Variants in KAT6B observed in about 807,000 individuals in gnomAD.
KAT6B encodes the protein lysine acetyltransferase 6B, also known as histone acetyltransferase KAT6B.
KAT6B carries 10 observed loss-of-function variants against 187.5 expected under a neutral mutation model. That is an observed-to-expected ratio of 0.05 (90% CI 0.03 to 0.09). The LOEUF (loss-of-function observed/expected upper bound fraction) is 0.09, where lower values mean the gene tolerates loss of function less well. Among genes scored for constraint, KAT6B ranks in the 10% least tolerant of loss-of-function variants. The probability of loss-of-function intolerance (pLI) is 1.00; values close to 1 mark genes in which losing one functional copy is unlikely to be tolerated. For missense variants in KAT6B, 1,952 were observed against 2,558.9 expected, an observed-to-expected ratio of 0.76 and a Z score of 5.12; for synonymous variants, 861 against 926.8, an observed-to-expected ratio of 0.93 and a Z score of 1.29.
rs1222902525 is a variant in KAT6B at position 74,975,724 on chromosome 10, C to T, written c.1387C>T (p.Arg463Cys). Reference protein sequence around the residue: ...GEIIDFSKHYRPRKKVSQKQS... With the variant: ...GEIIDFSKHYCPRKKVSQKQS... Reference sequence around the variant, plus strand: ...AATTATAGACTTTTCAAAGCACTATCGTCCAAGGAAAAAGGTCTCTCAGAA... The same window carrying T: ...AATTATAGACTTTTCAAAGCACTATTGTCCAAGGAAAAAGGTCTCTCAGAA... Residue 463 changes from arginine to cysteine, a missense_variant, in exon 8 of 18, where the codon CGT (arginine) becomes TGT (cysteine). This residue lies in a region of KAT6B where 417 missense variants were observed against 508.9 expected (regional missense o/e 0.82). Transcript: ENST00000287239. 41 of 1,614,072 alleles carry T rather than the reference C, an allele frequency of 2.5e-5. No homozygotes were observed. Among genetic ancestry groups the T allele is most frequent in the East Asian group, 4.5e-5 (2 of 44,902 alleles).
intron 1 of KAT6B, among the ~76,000 whole-genome samples, chr10:74,828,484 C>T (rs534784315): frequency 7.1e-4 from 107 of 150,498 alleles, no homozygotes; most frequent in Non-Finnish European, 1.2e-3. Flanking sequence ...GTGCATTCTT[C>T]CTGTCTTACT....
At chr10:74,987,894 C>T (rs771867181) in intron 12 of KAT6B, among the ~76,000 whole-genome samples, 4 of 152,198 alleles carry the variant, frequency 2.6e-5, no homozygotes, top group Admixed American at 6.5e-5. Flanking sequence ...ATTACTTGAA[C>T]CTTTGCCATT....
chr10:74,878,130 A>G (rs1844558805), intron 3 of KAT6B, among the ~76,000 whole-genome samples: 1 of 152,192 alleles, frequency 6.6e-6, no homozygotes, highest in African/African-American at 2.4e-5. Flanking sequence ...GTGTTTAGCA[A>G]ACATGTATTG....
intron 12 of KAT6B, among the ~76,000 whole-genome samples, chr10:74,986,260 GGTAAT>G (rs1842799702): frequency 6.6e-6 from 1 of 152,076 alleles, no homozygotes; most frequent in Non-Finnish European, 1.5e-5. Flanking sequence ...ATGTTTACCA[GGTAAT>G]GACCTTAACT....
Position 74,936,810 on chromosome 10 carries a change from T to C in KAT6B, c.622-23160T>C, listed in dbSNP as rs115415571. ...TTGGATTTCTCGATTTTTATTTTGT[T>C]TATGCACTTTTACAACTTATGTCAT... On this transcript the variant is annotated intron_variant, in intron 3 of 17. Coordinates refer to ENST00000287239, the MANE Select transcript of KAT6B (RefSeq NM_012330.4). Among the ~76,000 whole-genome samples, 1,411 of 152,314 alleles carry C rather than the reference T, an allele frequency of 9.3e-3. 23 individuals are homozygous for C. Among genetic ancestry groups the C allele is most frequent in the African/African-American group, 0.032 (1,350 of 41,550 alleles).
intron 6 of KAT6B, 80 bp downstream of exon 6, chr10:74,970,181 A>G: frequency 1.9e-6 from 2 of 1,064,832 alleles, no homozygotes; most frequent in Middle Eastern, 2.0e-4. Flanking sequence ...GCTCAGAGGT[A>G]TACAGGTTCT....
In KAT6B at chr10:74,912,415, A is replaced by G. The variant is rs557321127; in HGVS notation, c.622-47555A>G. Among the ~76,000 whole-genome samples, 97 of 151,498 alleles carry G rather than the reference A, an allele frequency of 6.4e-4. 1 individual carries two copies. Among genetic ancestry groups the G allele is most frequent in the African/African-American group, 2.3e-3 (93 of 40,798 alleles). On this transcript the variant is annotated intron_variant, in intron 3 of 17. Transcript: ENST00000287239. Reference sequence around the variant, plus strand: ...TAGATAGATAGATAGATAGATAGAAAGATAGATGAAGGTTGAAGGGTAGGG... The same window carrying G: ...TAGATAGATAGATAGATAGATAGAAGGATAGATGAAGGTTGAAGGGTAGGG...
At chr10:74,834,555 A>G (rs765313915) in intron 1 of KAT6B, among the ~76,000 whole-genome samples, 26 of 151,452 alleles carry the variant, frequency 1.7e-4, no homozygotes, top group Non-Finnish European at 3.1e-4. Context: ...GTCTTGCTCT[A>G]TTGCCTAGGC....
chr10:74,885,060 AATTAATTAATTT>A, intron 3 of KAT6B, among the ~76,000 whole-genome samples: 1 of 151,684 alleles, frequency 6.6e-6, no homozygotes, highest in Non-Finnish European at 1.5e-5. Flanking sequence ...TAAATTAATT[AATTAATTAATTT>A]ATTTATTTAT....
chr10:75,024,673 G>A (rs1298081608), intron 16 of KAT6B, among the ~76,000 whole-genome samples: 1 of 152,182 alleles, frequency 6.6e-6, no homozygotes, highest in Non-Finnish European at 1.5e-5. Flanking sequence ...ATATATGCTA[G>A]AAAAGCAAAG....
intron 1 of KAT6B, among the ~76,000 whole-genome samples, chr10:74,831,031 C>T (rs372362192): frequency 4.6e-5 from 7 of 151,636 alleles, no homozygotes; most frequent in Non-Finnish European, 7.4e-5. Flanking sequence ...TCAGTTGACC[C>T]GCCCGTCTTG....
At chr10:74,878,872 T>A (rs1300769200) in intron 3 of KAT6B, among the ~76,000 whole-genome samples, 1 of 152,182 alleles carries the variant, frequency 6.6e-6, no homozygotes, top group Admixed American at 6.5e-5. Flanking sequence ...GAAGCCTTCC[T>A]TGTGCTCACT....
intron 12 of KAT6B, among the ~76,000 whole-genome samples, 168 bp from the exon 13 acceptor site, chr10:74,988,851 T>C (rs1229404596): frequency 1.3e-5 from 2 of 152,234 alleles, no homozygotes; most frequent in South Asian, 4.1e-4. Flanking sequence ...GATGGTTTGT[T>C]GTTAATTGAT....
intron 3 of KAT6B, among the ~76,000 whole-genome samples, chr10:74,870,884 G>GTTTT (rs796788129): frequency 9.3e-6 from 1 of 107,944 alleles, no homozygotes; most frequent in Non-Finnish European, 2.0e-5. Flanking sequence ...GCGTTTTTTT[G>GTTTT]TTTTTTTTTT....
intron 13 of KAT6B, among the ~76,000 whole-genome samples, chr10:75,011,733 A>C (rs1196566763): frequency 6.6e-6 from 1 of 152,156 alleles, no homozygotes. Context: ...TTATTCTTCT[A>C]ATCCACTAGA....
intron 3 of KAT6B, among the ~76,000 whole-genome samples, chr10:74,850,640 G>T (rs1433418013): frequency 1.3e-5 from 2 of 152,158 alleles, no homozygotes; most frequent in Non-Finnish European, 2.9e-5. Flanking sequence ...CTTTGACTTG[G>T]TGAGGGAACT....
intron 2 of KAT6B, among the ~76,000 whole-genome samples, chr10:74,840,087 T>C (rs1841623384): frequency 6.6e-6 from 1 of 152,346 alleles, no homozygotes; most frequent in African/African-American, 2.4e-5. Flanking sequence ...AAGACTCAAC[T>C]TGACAGCACT....
At chr10:74,870,798 A>C (rs183737698) in intron 3 of KAT6B, among the ~76,000 whole-genome samples, 1 of 151,688 alleles carries the variant, frequency 6.6e-6, no homozygotes, top group African/African-American at 2.4e-5. Context: ...GCTGGCCTCA[A>C]ACTCCTCACC....
intron 7 of KAT6B, among the ~76,000 whole-genome samples, chr10:74,974,744 G>GT (rs981889670): frequency 2.6e-5 from 4 of 152,086 alleles, no homozygotes; most frequent in Admixed American, 6.6e-5. Context: ...CATTTCTTCA[G>GT]TTTTTTGCTA....
Sources: gnomAD v4.1 joint callset for allele counts (sites outside exome capture counted in the v4.1 genomes callset) on GRCh38, gnomAD v4.1.1 for gene constraint, gnomAD v4.1.1 regional missense constraint, MANE v1.5 for transcripts, NCBI Gene and HGNC (gene_info 2026-07-23, HGNC 2026-07-21) for gene names.